STAG2: variants seen among roughly 807,000 people sequenced by gnomAD.
The protein encoded by STAG2 is cohesin subunit SA-2.
STAG2 carries 14 observed loss-of-function variants against 108.1 expected under a neutral mutation model. The observed-to-expected ratio is 0.13, with a 90% CI of 0.09 to 0.20. STAG2 has a LOEUF of 0.20. STAG2 is among the 10% of genes least tolerant of loss of function. The pLI is 1.00. For synonymous variants in STAG2, 307 were observed against 302.7 expected, an observed-to-expected ratio of 1.01 and a Z score of -0.15; for missense variants, 440 against 940.9, an observed-to-expected ratio of 0.47 and a Z score of 6.96.
chrX:124,058,031 G>T, intron 15 of STAG2, 54 bp downstream of exon 15: 2 of 700,032 alleles, frequency 2.9e-6, no homozygotes, highest in South Asian at 3.5e-5. Flanking sequence ...TGGAAAAGGG[G>T]TTAAAATGAG....
rs1250122174 is a variant in STAG2 at position 124,071,141 on chromosome X, T to G, written c.2359-8T>G. On this transcript the variant is annotated splice_region_variant and splice_polypyrimidine_tract_variant and intron_variant, in intron 24 of 34. Coordinates refer to ENST00000371145, the MANE Select transcript of STAG2 (RefSeq NM_001042750.2). ...GCATGCTTTCCTCTTTTTTTTTTTTTTAAATAGGCCTTCACTATTCTGTGT... is the reference window on the plus strand; with the variant it reads ...GCATGCTTTCCTCTTTTTTTTTTTTGTAAATAGGCCTTCACTATTCTGTGT... The G allele has an allele frequency of 9.1e-7, 1 of 1,093,717 alleles. No homozygotes were observed. The highest frequency in any genetic ancestry group is 1.2e-6 in the Non-Finnish European group (1 of 840,085). 90.1% of individuals were successfully genotyped at this position (1,093,717 alleles called of 1,213,427 possible).
At chrX:123,987,565 C>T (rs965796939) in intron 1 of STAG2, among the ~76,000 whole-genome samples, 1 of 111,846 alleles carries the variant, frequency 8.9e-6, no homozygotes, top group Non-Finnish European at 1.9e-5. Context: ...TTTTTTGTAG[C>T]GACGATATCT....
At chrX:124,047,256 A>G (rs773594060) in intron 8 of STAG2, 98 bp from the exon 9 acceptor site, 20 of 693,646 alleles carry the variant, frequency 2.9e-5, no homozygotes, top group Non-Finnish European at 4.0e-5. Context: ...TTAGAAGCAG[A>G]TTAGCTCATT....
At chrX:123,964,870 A>C (rs1386893138) in intron 1 of STAG2, among the ~76,000 whole-genome samples, 2 of 110,870 alleles carry the variant, frequency 1.8e-5, no homozygotes, top group Non-Finnish European at 3.8e-5. Flanking sequence ...CATTACCCGT[A>C]AACAGTAAAA....
At chrX:124,008,724 A>C (rs776495565) in intron 1 of STAG2, among the ~76,000 whole-genome samples, 1 of 111,486 alleles carries the variant, frequency 9.0e-6, no homozygotes, top group East Asian at 2.8e-4. Flanking sequence ...GGAGAGGGAG[A>C]TTGTGTTTCA....
intron 1 of STAG2, among the ~76,000 whole-genome samples, chrX:123,993,326 G>A (rs746207661): frequency 7.2e-5 from 8 of 111,574 alleles, no homozygotes; most frequent in South Asian, 3.7e-4. Flanking sequence ...AAAGAAAATC[G>A]GGGAAGATCC....
intron 1 of STAG2, among the ~76,000 whole-genome samples, chrX:124,014,657 G>A (rs1323263690): frequency 1.8e-5 from 2 of 111,305 alleles, no homozygotes; most frequent in African/African-American, 6.5e-5. Context: ...TACTGCACCC[G>A]GCCTGTCCTT....
Position 124,071,281 on chromosome X carries a change from G to T in STAG2, c.2491G>T (p.Asp831Tyr), listed in dbSNP as rs749008002. ...GTCTGAGTTGCTCAGCTTTATTTTG[G>T]ATCATGTCTTCATTGAACAGGATGA... Reference protein sequence around the residue: ...LQSELLSFILDHVFIEQDDDN... With the variant: ...LQSELLSFILYHVFIEQDDDN... Residue 831 changes from aspartate to tyrosine, a missense_variant, in exon 25 of 35, where the codon GAT becomes TAT. Coordinates refer to ENST00000371145, the MANE Select transcript of STAG2 (RefSeq NM_001042750.2). 1 of 1,202,141 alleles carries T rather than the reference G, an allele frequency of 8.3e-7. No homozygotes were observed. Among genetic ancestry groups the T allele is most frequent in the Non-Finnish European group, 1.1e-6 (1 of 892,102 alleles).
intron 1 of STAG2, among the ~76,000 whole-genome samples, chrX:124,015,891 A>AC (rs2056705927): frequency 9.0e-6 from 1 of 111,257 alleles, no homozygotes; most frequent in Non-Finnish European, 1.9e-5. Context: ...TAAACAACAG[A>AC]CTTCTGTATG....
At chrX:124,077,922 A>T (rs2148413690) in intron 26 of STAG2, 35 bp from the exon 27 acceptor site, 1 of 953,560 alleles carries the variant, frequency 1.0e-6, no homozygotes, top group Non-Finnish European at 1.4e-6. Context: ...TAGTTTTAAG[A>T]GATAAAGCTC....
chrX:124,063,781 G>T, intron 19 of STAG2, 67 bp from the exon 20 acceptor site: 4 of 998,487 alleles, frequency 4.0e-6, no homozygotes, highest in Non-Finnish European at 5.6e-6. Context: ...TGGTGGTATG[G>T]TCATGTAGTC....
At chrX:123,977,461 C>G (rs1018287689) in intron 1 of STAG2, among the ~76,000 whole-genome samples, 1 of 110,718 alleles carries the variant, frequency 9.0e-6, no homozygotes, top group African/African-American at 3.3e-5. Context: ...TTCCCCCCCT[C>G]CGGTATCTTT....
chrX:124,042,878 C>T (rs996632374), intron 7 of STAG2, among the ~76,000 whole-genome samples: 1 of 106,885 alleles, frequency 9.4e-6, no homozygotes, highest in Non-Finnish European at 1.9e-5. Flanking sequence ...AGCCGGGAGT[C>T]GTGGTGTGTG....
intron 1 of STAG2, among the ~76,000 whole-genome samples, chrX:123,982,474 C>T (rs2054922765): frequency 8.9e-6 from 1 of 112,031 alleles, no homozygotes; most frequent in African/African-American, 3.2e-5. Flanking sequence ...CCACTGCAAC[C>T]TCCACCTCCT....
Position 124,061,329 on chromosome X carries a change from A to C in STAG2, c.1522A>C (p.Ser508Arg). The change falls in exon 16 of 35, where the codon AGT (serine) becomes CGT (arginine). Residue 508 changes from serine (S) to arginine (R), a missense_variant. Around this residue, in one of 3 missense-constraint regions of STAG2, gnomAD observed 337 missense variants for 649.3 expected, o/e 0.52. Coordinates refer to ENST00000371145, the MANE Select transcript of STAG2 (RefSeq NM_001042750.2). ...TAGCTTGTTACTGGAAGAGCCACTTAGTGGAGAGGAAGGTAAGGATGTTTA... is the reference window on the plus strand; with the variant it reads ...TAGCTTGTTACTGGAAGAGCCACTTCGTGGAGAGGAAGGTAAGGATGTTTA... ...MNSLLLEEPL[S>R]GEEALTDRQE... 5.9e-6 allele frequency: 7 copies of C among 1,189,901 alleles called. No homozygotes were observed. Among genetic ancestry groups the C allele is most frequent in the Non-Finnish European group, 8.0e-6 (7 of 876,983 alleles).
At chrX:124,054,792 G>A (rs2058146495) in intron 13 of STAG2, among the ~76,000 whole-genome samples, 1 of 111,579 alleles carries the variant, frequency 9.0e-6, no homozygotes, top group Non-Finnish European at 1.9e-5. Flanking sequence ...TTTAGAGACA[G>A]GGTCTTGCTT....
chrX:123,974,779 A>C (rs368676941), intron 1 of STAG2, among the ~76,000 whole-genome samples: 12 of 104,803 alleles, frequency 1.1e-4, no homozygotes, highest in African/African-American at 3.9e-4. Context: ...GGGTTTCACC[A>C]TATTTGTGAG....
chrX:123,975,767 T>C (rs1183096607), intron 1 of STAG2, among the ~76,000 whole-genome samples: 1 of 112,300 alleles, frequency 8.9e-6, no homozygotes, highest in East Asian at 2.8e-4. Flanking sequence ...CCCTGCGGAA[T>C]ATGTACTTTT....
intron 1 of STAG2, among the ~76,000 whole-genome samples, chrX:123,965,826 G>A (rs1166345387): frequency 1.2e-4 from 13 of 108,268 alleles, no homozygotes; most frequent in Middle Eastern, 9.6e-3. Context: ...AACATAGGGA[G>A]ACCCCATGTT....
Sources: allele counts gnomAD v4.1 joint callset (sites outside exome capture counted in the v4.1 genomes callset), GRCh38; gene constraint gnomAD v4.1.1; regional missense constraint gnomAD v4.1.1; transcripts MANE v1.5; gene names NCBI Gene and HGNC (gene_info 2026-07-23, HGNC 2026-07-21).